Variants in PLEKHA7 observed in about 807,000 individuals in gnomAD.
PLEKHA7 encodes pleckstrin homology domain-containing family A member 7.
A neutral mutation model predicts 170.0 loss-of-function variants in PLEKHA7; 104 were observed. The ratio of observed to expected loss-of-function variants is 0.61; its 90% CI spans 0.52 to 0.72. The LOEUF is 0.72. PLEKHA7 is among the 30% of genes least tolerant of loss of function. The pLI is 0.00. For missense variants in PLEKHA7, 1,615 were observed against 1,671.7 expected (o/e 0.97, Z 0.59); for synonymous variants, 648 against 660.8 (o/e 0.98, Z 0.30).
At chr11:16,848,585 G>A (rs1852661794) in intron 8 of PLEKHA7, among the ~76,000 whole-genome samples, 2 of 152,222 alleles carry the variant, frequency 1.3e-5, no homozygotes. Flanking sequence ...TCTGGTGGCA[G>A]ATGTAATAAT....
chr11:16,804,047 GTC>G (rs762932677), intron 13 of PLEKHA7, among the ~76,000 whole-genome samples: 3 of 152,210 alleles, frequency 2.0e-5, no homozygotes, highest in Non-Finnish European at 4.4e-5. Flanking sequence ...TATGCTGCCT[GTC>G]TCTCACTGAC....
chr11:16,852,241 A>G lies in PLEKHA7; in HGVS notation c.595+42T>C, dbSNP rs116529749. ...GTCACCAACCATCCACATATGTAAA[A>G]CTGAACACTTCGGCAGGGTAATAGG... On this transcript the variant is annotated intron_variant, in intron 7 of 26. Coordinates refer to ENST00000531066, the MANE Select transcript of PLEKHA7 (RefSeq NM_001329630.2). The G allele has an allele frequency of 2.5e-4, 395 of 1,580,772 alleles. No individual in the cohort carries two copies. The African/African-American group carries it at 4.6e-3, about 19-fold the overall frequency.
chr11:16,847,090 C>CTTTTTTTTTTTTTTTTTTTTTTTTTTT (rs59132787), intron 8 of PLEKHA7, among the ~76,000 whole-genome samples: 1 of 70,814 alleles, frequency 1.4e-5, no homozygotes, highest in Non-Finnish European at 2.6e-5. Context: ...TTTTTTTTTT[C>CTTTTTTTTTTTTTTTTTTTTTTTTTTT]TTTTTTTTTT....
At chr11:16,936,433 C>A (rs1444266297) in intron 3 of PLEKHA7, among the ~76,000 whole-genome samples, 1 of 127,968 alleles carries the variant, frequency 7.8e-6, no homozygotes, top group Non-Finnish European at 1.7e-5. Context: ...AAAATCAGGT[C>A]TCTATTAGAA....
intron 3 of PLEKHA7, among the ~76,000 whole-genome samples, chr11:16,972,725 CAT>C (rs1358759312): frequency 2.6e-5 from 4 of 152,150 alleles, no homozygotes; most frequent in African/African-American, 9.7e-5. Flanking sequence ...CTGGTCAAAA[CAT>C]ATTTTAAAAT....
intron 3 of PLEKHA7, among the ~76,000 whole-genome samples, chr11:16,965,028 G>T (rs957262523): frequency 6.6e-6 from 1 of 150,430 alleles, no homozygotes; most frequent in Non-Finnish European, 1.5e-5. Context: ...AAAGGTTTGG[G>T]CCAGATACAG....
rs193082129 is a variant in PLEKHA7 at position 17,002,626 on chromosome 11, C to T, written c.221+11363G>A. Among the ~76,000 whole-genome samples, 6 of 152,236 alleles carry T rather than the reference C, an allele frequency of 3.9e-5. No homozygotes were observed. In the East Asian group the frequency reaches 1.2e-3, roughly 29 times the overall value. The stretch of plus-strand genomic sequence containing the variant: ...AAATGAGGACAATCAAAATATCTGC[C>T]TCTACAACAAATGCATTTTTCAACT... On this transcript the variant is annotated intron_variant, in intron 3 of 26. Transcript: ENST00000531066.
At chr11:16,987,061 C>T (rs1280323840) in intron 3 of PLEKHA7, among the ~76,000 whole-genome samples, 2 of 152,180 alleles carry the variant, frequency 1.3e-5, no homozygotes, top group Admixed American at 6.5e-5. Context: ...AAATTAATTG[C>T]CCCAAATGGG....
chr11:16,861,850 G>A (rs1853979802), intron 4 of PLEKHA7, among the ~76,000 whole-genome samples: 1 of 152,150 alleles, frequency 6.6e-6, no homozygotes, highest in African/African-American at 2.4e-5. Context: ...TAGAGGAAAA[G>A]TAAATGAGAA....
At chr11:17,005,402 G>A (rs1416371118) in intron 3 of PLEKHA7, among the ~76,000 whole-genome samples, 1 of 152,072 alleles carries the variant, frequency 6.6e-6, no homozygotes, top group Non-Finnish European at 1.5e-5. Context: ...CGTGGTGGTG[G>A]GTGTCTGTAA....
rs766765577 is a variant in PLEKHA7, at chr11:16,817,330, G to A, written c.1344-8C>T. ...GTCTGGTCCAAGGGAAGACTGAGGA[G>A]AAAGGGTAAGAACGGGTCAGGCAAC... is the stretch of plus-strand genomic sequence containing the variant. On this transcript the variant is annotated splice_polypyrimidine_tract_variant and splice_region_variant and intron_variant, in intron 10 of 26. Coordinates refer to ENST00000531066, the MANE Select transcript of PLEKHA7 (RefSeq NM_001329630.2). This position sits in a 1 kb window ranked among gnomAD's most constrained non-coding sequence, Gnocchi z 4.4. The A allele has an allele frequency of 6.9e-6, 11 of 1,599,268 alleles. No homozygotes were observed. The highest frequency in any genetic ancestry group is 3.3e-4 in the Middle Eastern group (2 of 6,032).
Position 16,817,206 on chromosome 11 carries a change from G to A in PLEKHA7, c.1460C>T (p.Pro487Leu). 6.2e-7 allele frequency: 1 copy of A among 1,614,104 alleles called. No individual in the cohort carries two copies. The highest frequency in any genetic ancestry group is 8.5e-7 in the Non-Finnish European group (1 of 1,180,010). The change falls in exon 11 of 27, where the codon CCT (proline) becomes CTT (leucine). Residue 487 changes from proline to leucine, a missense_variant. By Grantham distance (98) the Pro-to-Leu change is moderately conservative. Coordinates refer to ENST00000531066, the MANE Select transcript of PLEKHA7 (RefSeq NM_001329630.2). This position sits in a 1 kb window ranked among gnomAD's most constrained non-coding sequence, Gnocchi z 4.4. ...TRHPSGGSSP[P>L]PRNLPSDYKY... ...GTAGTCACTTGGCAGGTTTCGGGGA[G>A]GTGGCGAGGAGCCCCCCGAGGGGTG...
intron 3 of PLEKHA7, among the ~76,000 whole-genome samples, chr11:16,969,002 C>T (rs1318084442): frequency 1.3e-5 from 2 of 152,206 alleles, no homozygotes; most frequent in African/African-American, 4.8e-5. Flanking sequence ...TGATGTCCTT[C>T]CTGGTGACCT....
chr11:16,959,095 T>C (rs1764333477), intron 3 of PLEKHA7, among the ~76,000 whole-genome samples: 1 of 152,224 alleles, frequency 6.6e-6, no homozygotes, highest in Non-Finnish European at 1.5e-5. Flanking sequence ...GTTTTAACTT[T>C]TATTTTAGGT....
rs1251293560 is a variant in PLEKHA7 at position 16,782,816 on chromosome 11, C to T, written c.3731G>A (p.Arg1244His). ...DLDLQLQEQE[R>H]IINISYALAS... ...CAGGGCGTAGGAGATGTTGATGATG[C>T]GCTCCTGCTCCTGCAGCTGCAAGTC... Residue 1244 changes from arginine (R) to histidine (H), a missense_variant, in exon 26 of 27, where the codon CGC (arginine) becomes CAC (histidine). Arg to His is a conservative substitution (Grantham distance 29). Coordinates refer to ENST00000531066, the MANE Select transcript of PLEKHA7 (RefSeq NM_001329630.2). 1.5e-5 allele frequency: 23 copies of T among 1,536,046 alleles called. No individual in the cohort carries two copies. In the Middle Eastern group the frequency reaches 5.0e-4, roughly 33 times the overall value.
At chr11:16,985,922 T>G (rs1863699240) in intron 3 of PLEKHA7, among the ~76,000 whole-genome samples, 1 of 151,964 alleles carries the variant, frequency 6.6e-6, no homozygotes, top group South Asian at 2.1e-4. Flanking sequence ...CACTGCTAAC[T>G]AAATGAATGA....
intron 3 of PLEKHA7, among the ~76,000 whole-genome samples, chr11:16,940,267 T>C (rs1860591463): frequency 6.7e-6 from 1 of 148,824 alleles, no homozygotes; most frequent in Admixed American, 6.8e-5. Flanking sequence ...GTATCTCAGA[T>C]CTTTTCTTCT....
At chr11:16,904,313 T>A (rs1857518448) in intron 3 of PLEKHA7, among the ~76,000 whole-genome samples, 1 of 152,216 alleles carries the variant, frequency 6.6e-6, no homozygotes, top group South Asian at 2.1e-4. Context: ...TCAGGGTCAG[T>A]ACTTCCAAAG....
intron 3 of PLEKHA7, among the ~76,000 whole-genome samples, chr11:16,884,499 G>T (rs1855930693): frequency 6.6e-6 from 1 of 152,258 alleles, no homozygotes; most frequent in South Asian, 2.1e-4. Flanking sequence ...GCCAGGTGTG[G>T]TGGTGGGCAC....
Sources: allele counts gnomAD v4.1 joint callset (sites outside exome capture counted in the v4.1 genomes callset), GRCh38; gene constraint gnomAD v4.1.1; non-coding constraint Gnocchi (gnomAD v3.1); transcripts MANE v1.5; gene names NCBI Gene and HGNC (gene_info 2026-07-23, HGNC 2026-07-21).